The following HNRNPLL variants were observed in gnomAD, a reference collection of about 807,000 sequenced individuals.
HNRNPLL encodes the protein heterogeneous nuclear ribonucleoprotein L-like.
HNRNPLL carries 25 observed loss-of-function variants against 67.1 expected under a neutral mutation model. The observed-to-expected ratio is 0.37, with a 90% CI of 0.27 to 0.52. The LOEUF (loss-of-function observed/expected upper bound fraction) is 0.52, where lower values mean the gene tolerates loss of function less well. Ranked by LOEUF, HNRNPLL falls within the 20% of genes least tolerant of loss-of-function variation. HNRNPLL has a pLI of 0.90. For synonymous variants in HNRNPLL, 267 were observed against 241.7 expected (o/e 1.10, Z -0.97); for missense variants, 542 against 673.9 (o/e 0.80, Z 2.17).
intron 8 of HNRNPLL, among the ~76,000 whole-genome samples, chr2:38,572,541 G>C (rs1666133357): frequency 6.6e-6 from 1 of 151,992 alleles, no homozygotes; most frequent in South Asian, 2.1e-4. Flanking sequence ...AATTTTCCAT[G>C]ATTCTTTCAA....
At chr2:38,598,345 G>C (rs954690644) in intron 1 of HNRNPLL, among the ~76,000 whole-genome samples, 6 of 152,138 alleles carry the variant, frequency 3.9e-5, no homozygotes, top group Non-Finnish European at 8.8e-5. Context: ...TTGAAACATG[G>C]AAAGAGAATC....
chr2:38,575,396 C>T (rs746293766), intron 7 of HNRNPLL, among the ~76,000 whole-genome samples: 5 of 151,714 alleles, frequency 3.3e-5, no homozygotes, highest in African/African-American at 4.8e-5. Context: ...ATCTTTCAAG[C>T]TTTAAAATCT....
chr2:38,574,308 A>C (rs1383477704), intron 7 of HNRNPLL, among the ~76,000 whole-genome samples: 3 of 151,840 alleles, frequency 2.0e-5, no homozygotes, highest in Non-Finnish European at 2.9e-5. Context: ...AATAAGAAGA[A>C]AGGCAGAGGA....
intron 2 of HNRNPLL, among the ~76,000 whole-genome samples, chr2:38,586,269 C>T (rs1332971107): frequency 1.3e-5 from 2 of 152,164 alleles, no homozygotes; most frequent in African/African-American, 4.8e-5. Flanking sequence ...GATCCGCCCA[C>T]CTCGGCCTCC....
chr2:38,601,883 T>C (rs1667452576), intron 1 of HNRNPLL: 1 of 151,478 alleles, frequency 6.6e-6, no homozygotes, highest in Non-Finnish European at 1.5e-5. Context: ...TTATAAAGAG[T>C]TTAATTTTAA....
rs917861819 is a variant in HNRNPLL, at chr2:38,567,934, G to A, written c.1573+265C>T. 10 of 296,800 alleles carry A rather than the reference G, an allele frequency of 3.4e-5. No individual in the cohort carries two copies. The South Asian group carries it at 3.8e-4, about 11-fold the overall frequency. 18.4% of individuals were successfully genotyped at this position (296,800 alleles called of 1,614,324 possible). ...CAACTTCATGGGAGATCCTAAGCCCGAATTGCCCAGCTGAAATGCACCCAA... is the reference window on the plus strand; with the variant it reads ...CAACTTCATGGGAGATCCTAAGCCCAAATTGCCCAGCTGAAATGCACCCAA... On this transcript the variant is annotated intron_variant, in intron 12 of 12. Coordinates refer to ENST00000449105, the MANE Select transcript of HNRNPLL (RefSeq NM_138394.4).
At chr2:38,571,894 GTTTCT>G (rs1666099473) in intron 8 of HNRNPLL, among the ~76,000 whole-genome samples, 1 of 152,070 alleles carries the variant, frequency 6.6e-6, no homozygotes, top group South Asian at 2.1e-4. Context: ...AGTAATTTGA[GTTTCT>G]AAATCATATG....
intron 2 of HNRNPLL, among the ~76,000 whole-genome samples, chr2:38,587,456 AG>A (rs1201567256): frequency 2.0e-5 from 3 of 152,166 alleles, no homozygotes; most frequent in Non-Finnish European, 2.9e-5. Flanking sequence ...GGGACTTATT[AG>A]TTTTCCCCAC....
intron 12 of HNRNPLL, chr2:38,566,196 C>T: frequency 2.5e-6 from 1 of 406,276 alleles, no homozygotes; most frequent in African/African-American, 2.2e-5. Context: ...GGTGAAACCC[C>T]GTCTCTAACA....
intron 8 of HNRNPLL, among the ~76,000 whole-genome samples, chr2:38,571,976 G>C (rs1030737958): frequency 9.9e-5 from 15 of 152,214 alleles, no homozygotes; most frequent in African/African-American, 3.6e-4. Context: ...GCCTGATTCT[G>C]ATTGTCTGCA....
At chr2:38,566,071 C>G (rs983283152) in intron 12 of HNRNPLL, 1 of 987,668 alleles carries the variant, frequency 1.0e-6, no homozygotes, top group Admixed American at 6.2e-5. Context: ...AATTACACAG[C>G]AAAAAGTTTC....
chr2:38,594,645 G>C (rs1389394399), intron 1 of HNRNPLL, among the ~76,000 whole-genome samples: 1 of 152,056 alleles, frequency 6.6e-6, no homozygotes, highest in Non-Finnish European at 1.5e-5. Flanking sequence ...AAGGTATAAA[G>C]AACTTTATTA....
intron 2 of HNRNPLL, among the ~76,000 whole-genome samples, chr2:38,588,695 T>C (rs926389843): frequency 3.3e-5 from 5 of 151,962 alleles, no homozygotes; most frequent in African/African-American, 9.7e-5. Flanking sequence ...AAAACTAAAA[T>C]GTTACAGACA....
intron 1 of HNRNPLL, among the ~76,000 whole-genome samples, chr2:38,596,319 G>C (rs944074871): frequency 2.0e-5 from 2 of 101,186 alleles, no homozygotes; most frequent in Non-Finnish European, 2.0e-5. Flanking sequence ...CTGGAGTGCA[G>C]TGGCACAAGG....
At chr2:38,590,918 T>C (rs529421375) in intron 2 of HNRNPLL, among the ~76,000 whole-genome samples, 1 of 152,208 alleles carries the variant, frequency 6.6e-6, no homozygotes, top group East Asian at 1.9e-4. Context: ...AATGGGAGGA[T>C]AACCTGGGCT....
At chr2:38,574,318 A>T (rs12991911) in intron 7 of HNRNPLL, among the ~76,000 whole-genome samples, 12,879 of 151,876 alleles carry the variant, frequency 0.085, 787 homozygotes, top group Non-Finnish European at 0.13. Context: ...AAGGCAGAGG[A>T]ACTCAAAAGC....
At chr2:38,596,577 A>T (rs1018420945) in intron 1 of HNRNPLL, among the ~76,000 whole-genome samples, 3 of 151,898 alleles carry the variant, frequency 2.0e-5, no homozygotes, top group Non-Finnish European at 4.4e-5. Flanking sequence ...TATTTTACCT[A>T]CTCTAAAATA....
intron 8 of HNRNPLL, among the ~76,000 whole-genome samples, chr2:38,571,331 T>A (rs1256214768): frequency 6.6e-6 from 1 of 152,080 alleles, no homozygotes; most frequent in Admixed American, 6.6e-5. Context: ...AGTCACCTAT[T>A]GTTGGAGCAG....
chr2:38,569,013 A>G (rs990021605), intron 10 of HNRNPLL, 120 bp downstream of exon 10: 3 of 734,414 alleles, frequency 4.1e-6, no homozygotes, highest in African/African-American at 3.5e-5. Context: ...TACCAAGTAA[A>G]TAAAATAGTA....
Sources: allele counts gnomAD v4.1 joint callset (sites outside exome capture counted in the v4.1 genomes callset), GRCh38; gene constraint gnomAD v4.1.1; transcripts MANE v1.5; gene names NCBI Gene and HGNC (gene_info 2026-07-23, HGNC 2026-07-21).